Variants in KYAT3 observed in about 807,000 individuals in gnomAD.
KYAT3 encodes kynurenine aminotransferase 3.
In KYAT3, 50 loss-of-function variants were observed where a neutral mutation model predicts 59.0. The ratio of observed to expected loss-of-function variants is 0.85; its 90% CI spans 0.68 to 1.07. KYAT3 has a LOEUF of 1.07. Ranked by LOEUF, KYAT3 falls within the 50% of genes least tolerant of loss-of-function variation. KYAT3 has a pLI of 0.00. For missense variants in KYAT3, 497 were observed against 533.3 expected (o/e 0.93, Z 0.67); for synonymous variants, 148 against 177.0 (o/e 0.84, Z 1.30).
At chr1:88,982,863 C>T (rs1677175184) in intron 2 of KYAT3, 2 of 1,613,982 alleles carry the variant, frequency 1.2e-6, no homozygotes, top group Non-Finnish European at 1.7e-6. Flanking sequence ...TCTCGACTTC[C>T]ACCATATCCA....
intron 13 of KYAT3, among the ~76,000 whole-genome samples, chr1:88,942,322 T>C (rs1266518861): frequency 6.6e-6 from 1 of 152,150 alleles, no homozygotes; most frequent in African/African-American, 2.4e-5. Flanking sequence ...CGTTTTCATC[T>C]AATTTCTTAA....
intron 2 of KYAT3, among the ~76,000 whole-genome samples, chr1:88,985,394 A>G (rs1677394493): frequency 6.6e-6 from 1 of 152,230 alleles, no homozygotes; most frequent in African/African-American, 2.4e-5. Flanking sequence ...AGGCTGAGAA[A>G]CAGGCTGTTT....
At chr1:88,979,578 C>CA (rs1676973271) in intron 2 of KYAT3, 1 of 151,950 alleles carries the variant, frequency 6.6e-6, no homozygotes, top group Non-Finnish European at 1.5e-5. Flanking sequence ...TACAACTGGC[C>CA]AAAAAGTACC....
Position 88,949,142 on chromosome 1 carries a change from G to A in KYAT3, c.1090C>T (p.Pro364Ser), listed in dbSNP as rs775159120. Reference sequence around the variant, plus strand: ...AAGTATCCTCCATCAGGAACTATGGGTTTTAGGCCAACACTTTCAAGTAAA... The same window carrying A: ...AAGTATCCTCCATCAGGAACTATGGATTTTAGGCCAACACTTTCAAGTAAA... ...VRLLESVGLK[P>S]IVPDGGYFII... Residue 364 changes from proline (P) to serine (S), a missense_variant, in exon 11 of 14, where the codon CCC (proline) becomes TCC (serine). Physicochemically the swap from Pro to Ser is moderately conservative, Grantham distance 74. Transcript: ENST00000260508. The A allele has an allele frequency of 9.9e-6, 16 of 1,608,914 alleles. No individual in the cohort carries two copies. Among genetic ancestry groups the A allele is most frequent in the Non-Finnish European group, 1.3e-5 (15 of 1,178,298 alleles).
At chr1:88,983,531 G>T in intron 2 of KYAT3, 1 of 1,614,240 alleles carries the variant, frequency 6.2e-7, no homozygotes. Flanking sequence ...ACTTCTTGGA[G>T]GTGGGGGCGG....
At chr1:88,939,668 A>G (rs917692323) in intron 13 of KYAT3, among the ~76,000 whole-genome samples, 3 of 152,186 alleles carry the variant, frequency 2.0e-5, no homozygotes, top group African/African-American at 7.2e-5. Context: ...TTTTCTGCCT[A>G]ATATTTTAAA....
chr1:88,983,850 AG>A (rs1191049313), intron 2 of KYAT3: 2 of 1,552,920 alleles, frequency 1.3e-6, no homozygotes, highest in African/African-American at 1.4e-5. Context: ...GGTGAGTCGG[AG>A]GGGTGACAGT....
At chr1:88,949,040 A>G (rs1675559002) in intron 11 of KYAT3, 51 bp downstream of exon 11, 1 of 1,376,532 alleles carries the variant, frequency 7.3e-7, no homozygotes. Context: ...TTCTGATATA[A>G]TTTCACACAT....
intron 8 of KYAT3, among the ~76,000 whole-genome samples, chr1:88,955,846 CAT>C (rs1675893530): frequency 6.6e-6 from 1 of 151,152 alleles, no homozygotes; most frequent in African/African-American, 2.5e-5. Context: ...TGTGTGTGTG[CAT>C]GTGTGTGTGT....
At chr1:88,943,578 C>T (rs569971645) in intron 11 of KYAT3, among the ~76,000 whole-genome samples, 155 bp from the exon 12 acceptor site, 2 of 152,278 alleles carry the variant, frequency 1.3e-5, no homozygotes, top group East Asian at 1.9e-4. Flanking sequence ...TGGAGTCTCA[C>T]ACTGTACGGT....
intron 1 of KYAT3, among the ~76,000 whole-genome samples, chr1:88,988,989 G>T (rs762398441): frequency 2.0e-4 from 30 of 152,202 alleles, no homozygotes; most frequent in African/African-American, 7.2e-4. Flanking sequence ...ATTGATATCC[G>T]TCATGGGTAA....
At chr1:88,929,084 G>A in the KYAT3 span, among the ~76,000 whole-genome samples, 9 of 152,082 alleles carry the variant, frequency 5.9e-5, no homozygotes, top group South Asian at 1.5e-3. Flanking sequence ...AAGAATGCCC[G>A]TCCTGCTCAA....
intron 2 of KYAT3, among the ~76,000 whole-genome samples, chr1:88,987,207 C>T (rs1677512047): frequency 6.6e-6 from 1 of 152,090 alleles, no homozygotes; most frequent in South Asian, 2.1e-4. Context: ...ATAAAAGTTC[C>T]ACAAATGAGG....
At chr1:88,979,271 G>A (rs1414315069) in intron 2 of KYAT3, among the ~76,000 whole-genome samples, 3 of 151,998 alleles carry the variant, frequency 2.0e-5, no homozygotes, top group African/African-American at 4.8e-5. Flanking sequence ...ACTAAACAGA[G>A]TCACATCTCC....
intron 2 of KYAT3, among the ~76,000 whole-genome samples, chr1:88,985,821 C>T (rs551091581): frequency 1.1e-4 from 17 of 152,272 alleles, no homozygotes; most frequent in African/African-American, 4.1e-4. Flanking sequence ...AGTAACTTTG[C>T]ACTAAAGGAG....
intron 1 of KYAT3, among the ~76,000 whole-genome samples, chr1:88,990,302 A>C (rs12067760): frequency 0.076 from 10,682 of 141,134 alleles, 1,248 homozygotes; most frequent in African/African-American, 0.25. Context: ...AAACACAAAA[A>C]ATAAAACTCT....
intron 5 of KYAT3, among the ~76,000 whole-genome samples, chr1:88,962,455 T>A (rs1456440653): frequency 6.6e-6 from 1 of 152,204 alleles, no homozygotes; most frequent in African/African-American, 2.4e-5. Flanking sequence ...GACTATCACA[T>A]TCTCAAAGGG....
At position 88,961,283 on chromosome 1, in the gene KYAT3, T is replaced by C. The variant is rs1303805496; in HGVS notation, c.671A>G (p.Tyr224Cys). The C allele has an allele frequency of 6.2e-7, 1 of 1,613,546 alleles. No homozygotes were observed. The highest frequency in any genetic ancestry group is 2.2e-5 in the East Asian group (1 of 44,836). The change falls in exon 8 of 14, where the codon TAT becomes TGT. Residue 224 changes from tyrosine (Y) to cysteine (C), a missense_variant. Coordinates refer to ENST00000260508, the MANE Select transcript of KYAT3 (RefSeq NM_001008661.3). ...AATTACTTGCAGTTCCTCTCTGTTA[T>C]ACACCTACACATAATAAAGGAAAGA... ...NTPHNPLGKVYNREELQVIAD... is the reference protein window; with the variant it reads ...NTPHNPLGKVCNREELQVIAD...
intron 8 of KYAT3, among the ~76,000 whole-genome samples, chr1:88,956,016 A>G (rs1288009795): frequency 6.6e-6 from 1 of 152,132 alleles, no homozygotes; most frequent in Non-Finnish European, 1.5e-5. Context: ...TTTTATCTCA[A>G]AAGAAGCCCT....
Sources: allele counts gnomAD v4.1 joint callset (sites outside exome capture counted in the v4.1 genomes callset), GRCh38; gene constraint gnomAD v4.1.1; transcripts MANE v1.5; gene names NCBI Gene and HGNC (gene_info 2026-07-23, HGNC 2026-07-21).